Variants in HHAT observed in about 807,000 individuals in gnomAD.
HHAT encodes hedgehog acyltransferase.
HHAT carries 47 observed loss-of-function variants against 70.8 expected under a neutral mutation model. The observed-to-expected ratio is 0.66, with a 90% confidence interval of 0.53 to 0.85. The LOEUF is 0.85. Ranked by LOEUF, HHAT falls within the 40% of genes least tolerant of loss-of-function variation. HHAT has a pLI of 0.00. For missense variants in HHAT, 609 were observed against 604.8 expected (o/e 1.01, Z -0.07); for synonymous variants, 228 against 247.6 (o/e 0.92, Z 0.74).
chr1:210,407,565 C>T (rs777684313), intron 6 of HHAT, among the ~76,000 whole-genome samples: 2 of 152,330 alleles, frequency 1.3e-5, no homozygotes, highest in South Asian at 4.1e-4. Flanking sequence ...GGTATAGAAG[C>T]GTTGTCTTCT....
chr1:210,610,689 T>C (rs958150342), intron 10 of HHAT, among the ~76,000 whole-genome samples: 9 of 151,070 alleles, frequency 6.0e-5, no homozygotes, highest in Admixed American at 5.3e-4. Context: ...ATTAATTTTT[T>C]ATATGGTATA....
intron 6 of HHAT, among the ~76,000 whole-genome samples, chr1:210,415,255 ATC>A (rs1317992867): frequency 6.6e-6 from 1 of 152,206 alleles, no homozygotes; most frequent in Non-Finnish European, 1.5e-5. Flanking sequence ...AACGTGAATG[ATC>A]TGGCAGGTAG....
chr1:210,376,914 T>A (rs1467833920), intron 3 of HHAT, among the ~76,000 whole-genome samples: 3 of 152,228 alleles, frequency 2.0e-5, no homozygotes, highest in Admixed American at 2.0e-4. Flanking sequence ...CTCTCTGAGA[T>A]CACACTTTCT....
chr1:210,482,158 G>A (rs563716841), intron 8 of HHAT, among the ~76,000 whole-genome samples: 76 of 152,208 alleles, frequency 5.0e-4, no homozygotes, highest in Non-Finnish European at 8.2e-4. Context: ...AGAGAGTGCC[G>A]GCAGTAATCT....
At chr1:210,542,544 T>C (rs1430691730) in intron 9 of HHAT, among the ~76,000 whole-genome samples, 3 of 151,866 alleles carry the variant, frequency 2.0e-5, no homozygotes, top group Non-Finnish European at 4.4e-5. Flanking sequence ...GCCCCTGTAA[T>C]CCCAGCACTT....
intron 3 of HHAT, among the ~76,000 whole-genome samples, chr1:210,377,213 T>A (rs530481554): frequency 3.9e-5 from 6 of 152,366 alleles, no homozygotes; most frequent in African/African-American, 9.6e-5. Flanking sequence ...TAGCATAGTT[T>A]GAAGCTGAGG....
chr1:210,499,994 C>A (rs1490716110), intron 8 of HHAT, among the ~76,000 whole-genome samples: 1 of 152,188 alleles, frequency 6.6e-6, no homozygotes, highest in Non-Finnish European at 1.5e-5. Flanking sequence ...GATATAATGA[C>A]TGTTGTCTTT....
At chr1:210,577,666 G>GTTTTTTTTTTTTT (rs80242108) in intron 9 of HHAT, among the ~76,000 whole-genome samples, 6 of 17,172 alleles carry the variant, frequency 3.5e-4, no homozygotes, top group Admixed American at 6.2e-4. Context: ...TTTTTTTTTC[G>GTTTTTTTTTTTTT]AAATGGAGTC....
At position 210,560,814 on chromosome 1, in the gene HHAT, T is replaced by TA. The variant is rs60192211; in HGVS notation, c.1044-27047dup. ...GGTGACAAAGTGAGACCCTGTGTCT[T>TA]AAAAAAAAAAAAAAAAAAAAAAAAA... is the stretch of plus-strand genomic sequence containing the variant. On this transcript the variant is annotated intron_variant, in intron 9 of 11. Transcript: ENST00000261458. Among the ~76,000 whole-genome samples the TA allele has an allele frequency of 7.9e-3, 224 of 28,492 alleles. 37 individuals carry two copies. The highest frequency in any genetic ancestry group is 0.012 in the African/African-American group (142 of 12,150). 18.7% of individuals were successfully genotyped at this position (28,492 alleles called of 152,430 possible). A position where few individuals can be genotyped will look rare whatever the true frequency, so the allele number is the denominator to read the frequency against.
At position 210,416,162 on chromosome 1, in the gene HHAT, C is replaced by T. The variant is rs145014920; in HGVS notation, c.685-1992C>T. On this transcript the variant is annotated intron_variant, in intron 6 of 11. Coordinates refer to ENST00000261458, the MANE Select transcript of HHAT (RefSeq NM_018194.6). Reference sequence around the variant, plus strand: ...AGAAAATGGAATAAAAATAAATCCCCTGCCGTGTAGCTCTCTCTTTCCCGC... The same window carrying T: ...AGAAAATGGAATAAAAATAAATCCCTTGCCGTGTAGCTCTCTCTTTCCCGC... 3.9e-5 allele frequency among the ~76,000 whole-genome samples: 6 copies of T among 152,328 alleles called. No homozygotes were observed. The East Asian group carries it at 1.2e-3, about 29-fold the overall frequency.
chr1:210,374,127 T>TG (rs1403570137), intron 3 of HHAT: 1 of 152,234 alleles, frequency 6.6e-6, no homozygotes, highest in Non-Finnish European at 1.5e-5. Context: ...TGTTTTCCTC[T>TG]TTAAGTCTTT....
intron 7 of HHAT, among the ~76,000 whole-genome samples, chr1:210,437,423 C>G (rs1264834346): frequency 6.6e-6 from 1 of 151,812 alleles, no homozygotes; most frequent in South Asian, 2.1e-4. Context: ...AGGGACGACT[C>G]TCTGGCCCCT....
intron 11 of HHAT, among the ~76,000 whole-genome samples, chr1:210,670,382 T>C (rs1679833566): frequency 6.6e-6 from 1 of 152,194 alleles, no homozygotes; most frequent in African/African-American, 2.4e-5. Context: ...TGAGTAGTGC[T>C]GAAGGGTGAC....
intron 9 of HHAT, among the ~76,000 whole-genome samples, chr1:210,586,261 T>C (rs1460117466): frequency 6.6e-6 from 1 of 152,060 alleles, no homozygotes; most frequent in Non-Finnish European, 1.5e-5. Flanking sequence ...TAGGCAACTT[T>C]TATATCATCT....
chr1:210,341,824 C>T (rs2086066351), intron 1 of HHAT, among the ~76,000 whole-genome samples: 1 of 152,134 alleles, frequency 6.6e-6, no homozygotes, highest in Admixed American at 6.6e-5. Context: ...AAATATTCAA[C>T]CTTGGGGTGT....
At chr1:210,449,446 C>T (rs3819985) in intron 7 of HHAT, among the ~76,000 whole-genome samples, 16,696 of 152,150 alleles carry the variant, frequency 0.11, 1,162 homozygotes, top group East Asian at 0.21. Flanking sequence ...TCACCATTCC[C>T]GTCTACACTT....
intron 1 of HHAT, among the ~76,000 whole-genome samples, chr1:210,347,699 T>G (rs967182963): frequency 6.6e-6 from 1 of 152,196 alleles, no homozygotes; most frequent in Non-Finnish European, 1.5e-5. Flanking sequence ...AGAAATGCAT[T>G]TCTCTTTCCT....
chr1:210,345,687 C>A (rs895468996), intron 1 of HHAT, among the ~76,000 whole-genome samples: 10 of 152,138 alleles, frequency 6.6e-5, no homozygotes, highest in Admixed American at 2.0e-4. Flanking sequence ...TATCAATTAG[C>A]CTATTGTAAA....
intron 8 of HHAT, among the ~76,000 whole-genome samples, chr1:210,488,061 C>T (rs1179151339): frequency 1.3e-5 from 2 of 152,140 alleles, no homozygotes; most frequent in South Asian, 2.1e-4. Flanking sequence ...AATTATTTTT[C>T]CTCTGTTAAT....
Sources: allele counts gnomAD v4.1 joint callset (sites outside exome capture counted in the v4.1 genomes callset), GRCh38; gene constraint gnomAD v4.1.1; transcripts MANE v1.5; gene names NCBI Gene and HGNC (gene_info 2026-07-23, HGNC 2026-07-21).